Variants in RTL1 observed in about 807,000 individuals in gnomAD.
RTL1 encodes the protein retrotransposon-like protein 1.
For missense variants in RTL1, 1,681 were observed against 1,767.5 expected, an observed-to-expected ratio of 0.95 and a Z score of 0.88; for synonymous variants, 727 against 748.4, an observed-to-expected ratio of 0.97 and a Z score of 0.47.
intron 2 of RTL1, among the ~76,000 whole-genome samples, chr14:100,895,723 G>T (rs1448837739): frequency 1.3e-5 from 2 of 152,154 alleles, no homozygotes; most frequent in African/African-American, 4.8e-5. Context: ...ACCCCAGCCT[G>T]CAGGTTGGAT....
intron 2 of RTL1, among the ~76,000 whole-genome samples, chr14:100,901,042 C>G (rs1026667347): frequency 9.8e-5 from 15 of 152,342 alleles, no homozygotes; most frequent in East Asian, 5.8e-4. Context: ...AGCCTGCGCA[C>G]TCCACCTGCA....
At chr14:100,891,101 G>A (rs1043372808) in intron 3 of RTL1, among the ~76,000 whole-genome samples, 1 of 152,084 alleles carries the variant, frequency 6.6e-6, no homozygotes, top group African/African-American at 2.4e-5. Flanking sequence ...AGGAGTTTGG[G>A]TTGGGTCCTG....
chr14:100,882,451 A>T lies in RTL1; in HGVS notation c.2338T>A (p.Phe780Ile). Residue 780 changes from phenylalanine (F) to isoleucine (I), a missense_variant, in exon 4 of 4, where the codon TTC becomes ATC. Physicochemically the swap from Phe to Ile is conservative, Grantham distance 21. Coordinates refer to ENST00000649591, the MANE Select transcript of RTL1 (RefSeq NM_001134888.3). ...TTCACCCCTTTGGGGGTGACGACGAAGCCCAGGAATTCCACGGTTTGGCGG... is the reference window on the plus strand; with the variant it reads ...TTCACCCCTTTGGGGGTGACGACGATGCCCAGGAATTCCACGGTTTGGCGG... ...FHRQTVEFLG[F>I]VVTPKGVKLN... The T allele has an allele frequency of 6.4e-7, 1 of 1,552,118 alleles. No individual in the cohort carries two copies. The highest frequency in any genetic ancestry group is 8.7e-7 in the Non-Finnish European group (1 of 1,147,116).
At position 100,881,276 on chromosome 14, in the gene RTL1, G is replaced by A. The variant is rs901044896; in HGVS notation, c.3513C>T (p.Gly1171=). ...AGTGCAGAGCATTTCGCTGCCAGCGGCCAGGGCCCAGGAACAGCTCAGCCA... is the reference window on the plus strand; with the variant it reads ...AGTGCAGAGCATTTCGCTGCCAGCGACCAGGGCCCAGGAACAGCTCAGCCA... ...QELAELFLGP[G]RWQRNALHSQ... The change falls in exon 4 of 4, where the codon GGC becomes GGT. Residue 1171 remains glycine (G), a synonymous_variant. Coordinates refer to ENST00000649591, the MANE Select transcript of RTL1 (RefSeq NM_001134888.3). The surrounding 1 kb of genome is among the most constrained non-coding windows in gnomAD (Gnocchi z 6.6). 2 of 1,550,380 alleles carry A rather than the reference G, an allele frequency of 1.3e-6. No homozygotes were observed. Among genetic ancestry groups the A allele is most frequent in the Non-Finnish European group, 1.7e-6 (2 of 1,146,876 alleles).
chr14:100,896,740 G>C (rs1203989091), intron 2 of RTL1, among the ~76,000 whole-genome samples: 1 of 152,190 alleles, frequency 6.6e-6, no homozygotes, highest in Non-Finnish European at 1.5e-5. Context: ...CTCTGGGTTA[G>C]AGTCGGGAAG....
chr14:100,880,496 C>G lies in RTL1; in HGVS notation c.*216G>C. On this transcript the variant is annotated 3_prime_UTR_variant, in exon 4 of 4. Transcript: ENST00000649591. ...CGGAGAACTCGTAGCCCAGGGCTGG[C>G]GCTGGGTCTCTGAGGACTGGGTAGT... 1 of 502,706 alleles carries G rather than the reference C, an allele frequency of 2.0e-6. No homozygotes were observed. The highest frequency in any genetic ancestry group is 2.6e-6 in the Non-Finnish European group (1 of 389,050). 31.1% of individuals were successfully genotyped at this position (502,706 alleles called of 1,614,324 possible).
rs1279660864 is a variant in RTL1 at position 100,880,209 on chromosome 14, T to G, written c.*503A>C. Among the ~76,000 whole-genome samples, 4 of 3,524 alleles carry G rather than the reference T, an allele frequency of 1.1e-3. No homozygotes were observed. The highest frequency in any genetic ancestry group is 9.1e-3 in the South Asian group (1 of 110). 2.3% of individuals were successfully genotyped at this position (3,524 alleles called of 152,430 possible). On this transcript the variant is annotated 3_prime_UTR_variant, in exon 4 of 4. Transcript: ENST00000649591. ...CATCAGATGTCGGGAGGTTGGGGGATGGGGGTTGGGGGGCGGGGGCGGGAG... is the reference window on the plus strand; with the variant it reads ...CATCAGATGTCGGGAGGTTGGGGGAGGGGGGTTGGGGGGCGGGGGCGGGAG...
At position 100,884,321 on chromosome 14, in the gene RTL1, G is replaced by C. The variant is rs746902206; in HGVS notation, c.468C>G (p.Thr156=). The C allele has an allele frequency of 1.9e-6, 3 of 1,546,226 alleles. No homozygotes were observed. The highest frequency in any genetic ancestry group is 8.7e-7 in the Non-Finnish European group (1 of 1,143,310). ...REETPQEQNQ[T]EHSTAELMAM... Reference sequence around the variant, plus strand: ...CCATAAGTTCTGCGGTTGAGTGCTCGGTCTGGTTTTGCTCTTGAGGAGTCT... The same window carrying C: ...CCATAAGTTCTGCGGTTGAGTGCTCCGTCTGGTTTTGCTCTTGAGGAGTCT... The change falls in exon 4 of 4, where the codon ACC becomes ACG. Residue 156 remains threonine, a synonymous_variant. Coordinates refer to ENST00000649591, the MANE Select transcript of RTL1 (RefSeq NM_001134888.3).
chr14:100,880,554 G>A lies in RTL1; in HGVS notation c.*158C>T. On this transcript the variant is annotated 3_prime_UTR_variant, in exon 4 of 4. Transcript: ENST00000649591. ...CACAGGTGGCATTGCTGGTTGATGA[G>A]TTGAAGAAGTTGTTGCCCTTCACAA... 7.2e-7 allele frequency: 1 copy of A among 1,389,414 alleles called. No individual in the cohort carries two copies. Among genetic ancestry groups the A allele is most frequent in the Non-Finnish European group, 9.5e-7 (1 of 1,049,938 alleles). The allele number at this position is 1,389,414 out of a possible 1,614,324, so 86.1% of individuals were successfully genotyped here. A position where few individuals can be genotyped will look rare whatever the true frequency, so the allele number is the denominator to read the frequency against.
At chr14:100,903,089 C>T (rs1441889660) in intron 2 of RTL1, among the ~76,000 whole-genome samples, 1 of 152,138 alleles carries the variant, frequency 6.6e-6, no homozygotes, top group African/African-American at 2.4e-5. Flanking sequence ...ATTTAATAGA[C>T]CGAGAATTTG....
chr14:100,882,772 C>A lies in RTL1; in HGVS notation c.2017G>T (p.Val673Leu). 6.4e-7 allele frequency: 1 copy of A among 1,551,896 alleles called. No homozygotes were observed. Among genetic ancestry groups the A allele is most frequent in the Non-Finnish European group, 8.7e-7 (1 of 1,147,046 alleles). ...FTKLELRGTI[V>L]EESVNGHRTE... ...CGGTGCCCGTTCACGCTTTCCTCCA[C>A]AATGGTCCCACGCAGCTCCAGTTTT... The change falls in exon 4 of 4, where the codon GTG (valine) becomes TTG (leucine). Residue 673 changes from valine (V) to leucine (L), a missense_variant. Val to Leu is a conservative substitution (Grantham distance 32, BLOSUM62 1). Coordinates refer to ENST00000649591, the MANE Select transcript of RTL1 (RefSeq NM_001134888.3).
Position 100,881,538 on chromosome 14 carries a change from A to T in RTL1, c.3251T>A (p.Leu1084Gln). The change falls in exon 4 of 4, where the codon CTG (leucine) becomes CAG (glutamine). Residue 1084 changes from leucine (L) to glutamine (Q), a missense_variant. By Grantham distance (113) the Leu-to-Gln change is moderately radical. Coordinates refer to ENST00000649591, the MANE Select transcript of RTL1 (RefSeq NM_001134888.3). The surrounding 1 kb of genome is among the most constrained non-coding windows in gnomAD (Gnocchi z 6.6). ...AVILHFFRGL[L>Q]YWKNTLALAA... ...CAGGGCTAGGGTGTTCTTCCAGTACAGGAGGCCTCGGAAGAAGTGCAGAAT... is the reference window on the plus strand; with the variant it reads ...CAGGGCTAGGGTGTTCTTCCAGTACTGGAGGCCTCGGAAGAAGTGCAGAAT... 1 of 1,551,700 alleles carries T rather than the reference A, an allele frequency of 6.4e-7. No homozygotes were observed. The highest frequency in any genetic ancestry group is 8.7e-7 in the Non-Finnish European group (1 of 1,147,000).
In RTL1 at chr14:100,889,415, G is replaced by C. The variant is rs550438970; in HGVS notation, c.-87+4029C>G. On this transcript the variant is annotated intron_variant, in intron 3 of 3. Coordinates refer to ENST00000649591, the MANE Select transcript of RTL1 (RefSeq NM_001134888.3). ...TCTTCTCTACTTAAACTATAAAGCT[G>C]AAGTTCTTTTCGCATGAAACTAGAA... is the stretch of plus-strand genomic sequence containing the variant. 2.9e-4 allele frequency among the ~76,000 whole-genome samples: 44 copies of C among 152,282 alleles called. No homozygotes were observed. The South Asian group carries it at 9.1e-3, about 32-fold the overall frequency.
chr14:100,898,824 C>T (rs1412849766), intron 2 of RTL1: 1 of 152,268 alleles, frequency 6.6e-6, no homozygotes, highest in African/African-American at 2.4e-5. Flanking sequence ...CAGAAGCCCA[C>T]CGAAGCCCTG....
intron 2 of RTL1, among the ~76,000 whole-genome samples, chr14:100,899,711 T>A (rs1169471834): frequency 5.6e-5 from 8 of 142,836 alleles, no homozygotes; most frequent in African/African-American, 7.8e-5. Flanking sequence ...TTCCTGATAT[T>A]AAAAAAAAAA....
intron 3 of RTL1, among the ~76,000 whole-genome samples, chr14:100,889,063 A>G (rs35951883): frequency 0.16 from 24,000 of 152,232 alleles, 2,419 homozygotes; most frequent in Middle Eastern, 0.3. Context: ...TCTCCCACAA[A>G]CAAGAATCTC....
rs780760448 is a variant in RTL1 at position 100,881,017 on chromosome 14, C to T, written c.3772G>A (p.Asp1258Asn). 6.2e-5 allele frequency: 99 copies of T among 1,589,270 alleles called. No individual in the cohort carries two copies. In the South Asian group the frequency reaches 1.1e-3, roughly 17 times the overall value. ...TCCTGCACGTCGTTGTCCTGCTTGTCCTGCGAGGTGTCTTGCAGGCCGTCA... is the reference window on the plus strand; with the variant it reads ...TCCTGCACGTCGTTGTCCTGCTTGTTCTGCGAGGTGTCTTGCAGGCCGTCA... ...LHDGLQDTSQ[D>N]KQDNDVQEAP... Residue 1258 changes from aspartate to asparagine, a missense_variant, in exon 4 of 4, where the codon GAC becomes AAC. Physicochemically the swap from Asp to Asn is conservative, Grantham distance 23 (BLOSUM62 1). Transcript: ENST00000649591. The surrounding 1 kb of genome is among the most constrained non-coding windows in gnomAD (Gnocchi z 6.6).
chr14:100,890,074 G>GA (rs55688942), intron 3 of RTL1, among the ~76,000 whole-genome samples: 48,381 of 123,858 alleles, frequency 0.39, 9,982 homozygotes, highest in East Asian at 0.77. Flanking sequence ...CGCCTTATTT[G>GA]AAAAAAAAAA....
rs2038622385 is a variant in RTL1 at position 100,882,045 on chromosome 14, A to G, written c.2744T>C (p.Val915Ala). The change falls in exon 4 of 4, where the codon GTT becomes GCT. Residue 915 changes from valine to alanine, a missense_variant. Physicochemically the swap from Val to Ala is moderately conservative, Grantham distance 64 (BLOSUM62 0). Coordinates refer to ENST00000649591, the MANE Select transcript of RTL1 (RefSeq NM_001134888.3). ...CTTCATCTCCGCTTGAGAGTACTCAACCTCGATAGGGGAGATGTTGCGGGA... is the reference window on the plus strand; with the variant it reads ...CTTCATCTCCGCTTGAGAGTACTCAGCCTCGATAGGGGAGATGTTGCGGGA... ...FYSRNISPIE[V>A]EYSQAEMKIL... is the part of the protein sequence containing the mutation. 1.9e-6 allele frequency: 3 copies of G among 1,613,044 alleles called. No individual in the cohort carries two copies. The highest frequency in any genetic ancestry group is 1.3e-5 in the African/African-American group (1 of 74,912).
Sources: allele counts gnomAD v4.1 joint callset (sites outside exome capture counted in the v4.1 genomes callset), GRCh38; gene constraint gnomAD v4.1.1; non-coding constraint Gnocchi (gnomAD v3.1); transcripts MANE v1.5; gene names NCBI Gene and HGNC (gene_info 2026-07-23, HGNC 2026-07-21).